Variants in MBD5 observed in about 807,000 individuals in gnomAD.
MBD5 encodes the protein methyl-CpG binding domain protein 5.
A neutral mutation model predicts 117.3 loss-of-function variants in MBD5; 13 were observed. That is an observed-to-expected ratio of 0.11 (90% CI 0.07 to 0.18). The LOEUF (loss-of-function observed/expected upper bound fraction) is 0.18, where lower values mean the gene tolerates loss of function less well. Among genes scored for constraint, MBD5 ranks in the 10% least tolerant of loss-of-function variants. The probability of loss-of-function intolerance (pLI) is 1.00; values close to 1 mark genes in which losing one functional copy is unlikely to be tolerated. For synonymous variants in MBD5, 727 were observed against 766.4 expected (o/e 0.95, Z 0.85); for missense variants, 1,879 against 2,093.8 (o/e 0.90, Z 2.00).
chr2:148,470,292 A>G lies in MBD5; in HGVS notation c.2349A>G (p.Leu783=), dbSNP rs1680752159. The G allele has an allele frequency of 6.2e-7, 1 of 1,613,942 alleles. No individual in the cohort carries two copies. Among genetic ancestry groups the G allele is most frequent in the Non-Finnish European group, 8.5e-7 (1 of 1,179,888 alleles). Reference sequence around the variant, plus strand: ...TCCCCAACCACCATCTTGCAGGTTTAATAAATCAGATTCAGGCTAGCGGGA... The same window carrying G: ...TCCCCAACCACCATCTTGCAGGTTTGATAAATCAGATTCAGGCTAGCGGGA... ...SPVPNHHLAG[L]INQIQASGNC... The change falls in exon 8 of 14, where the codon TTA becomes TTG. Residue 783 remains leucine (L), a synonymous_variant. Coordinates refer to ENST00000642680, the MANE Select transcript of MBD5 (RefSeq NM_001378120.1).
rs575318433 is a variant in MBD5 at position 148,288,544 on chromosome 2, C to T, written c.-679-53670C>T. Among the ~76,000 whole-genome samples, 39 of 151,732 alleles carry T rather than the reference C, an allele frequency of 2.6e-4. 1 individual carries two copies. The South Asian group carries it at 7.7e-3, about 30-fold the overall frequency. On this transcript the variant is annotated intron_variant, in intron 3 of 13. Transcript: ENST00000642680. The stretch of plus-strand genomic sequence containing the variant: ...ATCCAAGAAAGATATTTTGCTATGT[C>T]ATAGCTATGAACCAAAATAACCTAG...
chr2:148,070,507 C>A (rs1207585658), intron 1 of MBD5, among the ~76,000 whole-genome samples: 3 of 152,072 alleles, frequency 2.0e-5, no homozygotes, highest in Non-Finnish European at 4.4e-5. Flanking sequence ...TTGTTTTTAT[C>A]ATGGTGGTAC....
intron 4 of MBD5, among the ~76,000 whole-genome samples, chr2:148,441,241 G>T (rs776793258): frequency 2.0e-5 from 3 of 152,042 alleles, no homozygotes; most frequent in Non-Finnish European, 4.4e-5. Context: ...ATCTCCTAAT[G>T]CTGTCCCTCC....
chr2:148,431,062 TG>T (rs1705969727), intron 4 of MBD5, among the ~76,000 whole-genome samples: 1 of 152,116 alleles, frequency 6.6e-6, no homozygotes, highest in African/African-American at 2.4e-5. Flanking sequence ...CCCCCTACTT[TG>T]GAGAGGAACA....
chr2:148,220,837 A>G (rs372371855), intron 2 of MBD5, among the ~76,000 whole-genome samples: 2 of 152,100 alleles, frequency 1.3e-5, no homozygotes, highest in Non-Finnish European at 2.9e-5. Context: ...ACTATCAACT[A>G]TAGTCACCCT....
At chr2:148,479,792 G>A (rs1325905240) in intron 8 of MBD5, among the ~76,000 whole-genome samples, 1 of 149,478 alleles carries the variant, frequency 6.7e-6, no homozygotes, top group Non-Finnish European at 1.5e-5. Flanking sequence ...TCAAATTCCA[G>A]ACCAAATATT....
At chr2:148,250,031 A>G (rs149174214) in intron 3 of MBD5, among the ~76,000 whole-genome samples, 65 of 152,132 alleles carry the variant, frequency 4.3e-4, no homozygotes, top group African/African-American at 1.5e-3. Context: ...TTTTGGCTCT[A>G]CCTCTCATAA....
At chr2:148,481,925 C>G (rs933450736) in intron 8 of MBD5, 1 of 151,812 alleles carries the variant, frequency 6.6e-6, no homozygotes, top group African/African-American at 2.4e-5. Flanking sequence ...AATTTTCATC[C>G]CTAGTGTAAG....
chr2:148,446,867 T>C lies in MBD5; in HGVS notation c.-556-11336T>C, dbSNP rs188680932. ...AGTAAACAGGTTATAAGATCTCAAG[T>C]ATACCTTTGAAAGACTTGATGAATT... On this transcript the variant is annotated intron_variant, in intron 4 of 13. Transcript: ENST00000642680. 3.2e-3 allele frequency among the ~76,000 whole-genome samples: 492 copies of C among 152,194 alleles called. 4 individuals carry two copies. The highest frequency in any genetic ancestry group is 0.011 in the African/African-American group (442 of 41,536).
chr2:148,154,603 C>T (rs896238156), intron 1 of MBD5, among the ~76,000 whole-genome samples: 2 of 152,326 alleles, frequency 1.3e-5, no homozygotes, highest in South Asian at 4.1e-4. Context: ...GCTTAGGACC[C>T]TCTGAGCCAG....
chr2:148,270,910 C>T (rs1311840095), intron 3 of MBD5, among the ~76,000 whole-genome samples: 1 of 152,118 alleles, frequency 6.6e-6, no homozygotes, highest in African/African-American at 2.4e-5. Flanking sequence ...CCCTTTTCCA[C>T]AAACAGATAG....
In MBD5 at chr2:148,334,389, G is replaced by A. The variant is rs371040696; in HGVS notation, c.-679-7825G>A. Among the ~76,000 whole-genome samples, 11 of 151,834 alleles carry A rather than the reference G, an allele frequency of 7.2e-5. No homozygotes were observed. The East Asian group carries it at 1.6e-3, about 21-fold the overall frequency. On this transcript the variant is annotated intron_variant, in intron 3 of 13. Coordinates refer to ENST00000642680, the MANE Select transcript of MBD5 (RefSeq NM_001378120.1). The stretch of plus-strand genomic sequence containing the variant: ...CATTCTGTCACTGGGCTGTAGTGCA[G>A]TGGTGCTAACATAGCTCATTACAAC...
At chr2:148,184,100 C>T (rs1463086560) in intron 2 of MBD5, among the ~76,000 whole-genome samples, 1 of 151,618 alleles carries the variant, frequency 6.6e-6, no homozygotes, top group Admixed American at 6.6e-5. Flanking sequence ...GCTCAACCTC[C>T]TCCTGGGCCC....
At position 148,458,692 on chromosome 2, in the gene MBD5, T is replaced by C; in HGVS notation, c.-67T>C. On this transcript the variant is annotated 5_prime_UTR_variant, in exon 5 of 14. The change abolishes an upstream ATG in the 5' untranslated region. Coordinates refer to ENST00000642680, the MANE Select transcript of MBD5 (RefSeq NM_001378120.1). ...ACTGGCCCACTTTTGAAGGCCATCA[T>C]GCTCTGTAATATAAGGATATCATCT... 7.2e-7 allele frequency: 1 copy of C among 1,381,236 alleles called. No individual in the cohort carries two copies. The highest frequency in any genetic ancestry group is 1.0e-6 in the Non-Finnish European group (1 of 968,712). The allele number at this position is 1,381,236 out of a possible 1,614,324, so 85.6% of individuals were successfully genotyped here. A position where few individuals can be genotyped will look rare whatever the true frequency, so the allele number is the denominator to read the frequency against.
intron 1 of MBD5, among the ~76,000 whole-genome samples, chr2:148,023,052 ACACT>A (rs1693804999): frequency 6.7e-6 from 1 of 150,096 alleles, no homozygotes; most frequent in East Asian, 1.9e-4. Context: ...GCATATACAC[ACACT>A]CTCTTTCGCT....
At chr2:148,036,970 C>T (rs537002244) in intron 1 of MBD5, among the ~76,000 whole-genome samples, 2 of 151,998 alleles carry the variant, frequency 1.3e-5, no homozygotes, top group East Asian at 3.9e-4. Context: ...TCAAAACACT[C>T]AGAAGCATTT....
intron 1 of MBD5, chr2:148,071,775 A>G (rs1226767615): frequency 2.6e-5 from 4 of 152,218 alleles, no homozygotes; most frequent in African/African-American, 9.6e-5. Context: ...CTTTTGTCCT[A>G]CAAATATTTC....
At chr2:148,354,337 C>T (rs138097604) in intron 4 of MBD5, among the ~76,000 whole-genome samples, 14,952 of 151,564 alleles carry the variant, frequency 0.099, 995 homozygotes, top group Middle Eastern at 0.15. Flanking sequence ...CATTGTTCAA[C>T]TCACACTTAT....
chr2:148,028,824 C>T lies in MBD5; in HGVS notation c.-925+7140C>T, dbSNP rs537393224. On this transcript the variant is annotated intron_variant, in intron 1 of 13. Coordinates refer to ENST00000642680, the MANE Select transcript of MBD5 (RefSeq NM_001378120.1). ...AAATATTTAGGAAATCAAATACGTG[C>T]TCCTGTAATATTCAGAGGCTATTTT... Among the ~76,000 whole-genome samples, 6 of 152,126 alleles carry T rather than the reference C, an allele frequency of 3.9e-5. No homozygotes were observed. The South Asian group carries it at 1.2e-3, about 32-fold the overall frequency.
Sources: gnomAD v4.1 joint callset for allele counts (sites outside exome capture counted in the v4.1 genomes callset) on GRCh38, gnomAD v4.1.1 for gene constraint, MANE v1.5 for transcripts, NCBI Gene and HGNC (gene_info 2026-07-23, HGNC 2026-07-21) for gene names.